PDE10A: variants seen among roughly 807,000 people sequenced by gnomAD.
PDE10A encodes the protein phosphodiesterase 10A.
A neutral mutation model predicts 97.7 loss-of-function variants in PDE10A; 39 were observed. That is an observed-to-expected ratio of 0.40 (90% CI 0.31 to 0.52). The LOEUF (loss-of-function observed/expected upper bound fraction) is 0.52. Ranked by LOEUF, PDE10A falls within the 20% of genes least tolerant of loss-of-function variation. The pLI is 0.56. For missense variants in PDE10A, 731 were observed against 1,047.8 expected, an observed-to-expected ratio of 0.70 and a Z score of 4.17; for synonymous variants, 371 against 376.8, an observed-to-expected ratio of 0.98 and a Z score of 0.18.
At chr6:165,710,427 T>C (rs1023729222) in intron 1 of PDE10A, among the ~76,000 whole-genome samples, 1 of 152,192 alleles carries the variant, frequency 6.6e-6, no homozygotes. Flanking sequence ...TTTGTGAATA[T>C]ATAAAAACAG....
intron 2 of PDE10A, among the ~76,000 whole-genome samples, chr6:165,490,786 G>A (rs547704167): frequency 5.8e-4 from 88 of 152,050 alleles, no homozygotes; most frequent in South Asian, 3.5e-3. Context: ...GAAACCCCAC[G>A]TCTACTAAAA....
At chr6:165,601,385 TAC>T (rs1786941491) in intron 1 of PDE10A, among the ~76,000 whole-genome samples, 2 of 152,364 alleles carry the variant, frequency 1.3e-5, no homozygotes, top group African/African-American at 2.4e-5. Context: ...TTACATTTTT[TAC>T]AGTTTTATAT....
At chr6:165,660,087 T>C (rs1790163359) in intron 1 of PDE10A, 1 of 152,410 alleles carries the variant, frequency 6.6e-6, no homozygotes, top group Admixed American at 6.5e-5. Context: ...CAGATGTTTA[T>C]TTTCTTAAGA....
At chr6:165,906,748 C>T (rs752367772) in intron 1 of PDE10A, among the ~76,000 whole-genome samples, 7 of 152,146 alleles carry the variant, frequency 4.6e-5, no homozygotes, top group African/African-American at 1.2e-4. Context: ...AACACTTAAA[C>T]GCTGCCCAAA....
At chr6:165,414,481 T>C (rs1449438610) in intron 12 of PDE10A, among the ~76,000 whole-genome samples, 1 of 152,226 alleles carries the variant, frequency 6.6e-6, no homozygotes, top group Non-Finnish European at 1.5e-5. Flanking sequence ...ATCCATGTTG[T>C]TGCATGTCTT....
At chr6:165,858,794 C>CG (rs916925820) in intron 1 of PDE10A, among the ~76,000 whole-genome samples, 1 of 152,122 alleles carries the variant, frequency 6.6e-6, no homozygotes, top group African/African-American at 2.4e-5. Flanking sequence ...CATGTTTCCC[C>CG]GGGGGTACTC....
chr6:165,507,516 C>T (rs1347599092), intron 2 of PDE10A, among the ~76,000 whole-genome samples: 1 of 152,086 alleles, frequency 6.6e-6, no homozygotes, highest in Non-Finnish European at 1.5e-5. Flanking sequence ...TCCAACTACA[C>T]CAAGCCCAAG....
At chr6:165,432,646 T>G (rs191667931) in intron 7 of PDE10A, among the ~76,000 whole-genome samples, 238 of 152,308 alleles carry the variant, frequency 1.6e-3, no homozygotes, top group African/African-American at 5.4e-3. Flanking sequence ...AAAAGACATT[T>G]TAAAGAAGAC....
intron 1 of PDE10A, among the ~76,000 whole-genome samples, chr6:165,777,702 TTAA>T (rs33914459): frequency 0.47 from 70,564 of 151,708 alleles, 17,609 homozygotes; most frequent in African/African-American, 0.65. Flanking sequence ...GTATTTACAT[TTAA>T]TTGTTAATTA....
intron 1 of PDE10A, among the ~76,000 whole-genome samples, chr6:165,567,520 T>A (rs1269669387): frequency 6.6e-6 from 1 of 152,202 alleles, no homozygotes; most frequent in Non-Finnish European, 1.5e-5. Context: ...CTGACTCCAC[T>A]GCTAATAGTG....
At chr6:165,930,193 G>A (rs1583299991) in intron 1 of PDE10A, among the ~76,000 whole-genome samples, 1 of 152,222 alleles carries the variant, frequency 6.6e-6, no homozygotes. Context: ...ACAGATCCCT[G>A]AGCCACTGAT....
intron 1 of PDE10A, among the ~76,000 whole-genome samples, chr6:165,698,129 C>T (rs906712935): frequency 2.6e-5 from 4 of 152,242 alleles, no homozygotes; most frequent in Non-Finnish European, 4.4e-5. Context: ...AGCCATGTTT[C>T]CTGAATTTTA....
intron 1 of PDE10A, among the ~76,000 whole-genome samples, chr6:165,706,847 A>T (rs563796006): frequency 1.2e-4 from 19 of 152,276 alleles, no homozygotes; most frequent in East Asian, 7.7e-4. Context: ...AAAAGATTTT[A>T]AAAAAAGGAA....
chr6:165,734,956 A>AGATAGATAGAT (rs1554313861), intron 1 of PDE10A, among the ~76,000 whole-genome samples: 2 of 107,134 alleles, frequency 1.9e-5, no homozygotes, highest in Non-Finnish European at 3.7e-5. Context: ...GAAAGTAGAT[A>AGATAGATAGAT]GATAGATAGA....
At chr6:165,879,045 C>A (rs995430170) in intron 1 of PDE10A, among the ~76,000 whole-genome samples, 4 of 152,194 alleles carry the variant, frequency 2.6e-5, no homozygotes, top group Non-Finnish European at 4.4e-5. Context: ...TTTGTTACAG[C>A]AGCAATAGAC....
chr6:165,765,836 G>T (rs879635744), intron 1 of PDE10A, among the ~76,000 whole-genome samples: 15 of 152,182 alleles, frequency 9.9e-5, no homozygotes, highest in African/African-American at 3.6e-4. Context: ...CTGCCAGCCC[G>T]CTGTCACCTC....
intron 1 of PDE10A, among the ~76,000 whole-genome samples, chr6:165,639,921 T>G (rs544847747): frequency 6.6e-6 from 1 of 151,944 alleles, no homozygotes; most frequent in Admixed American, 6.5e-5. Flanking sequence ...ATTTTAAAAA[T>G]GAGCCAGGTG....
At chr6:165,811,217 C>T (rs1038899864) in intron 1 of PDE10A, among the ~76,000 whole-genome samples, 14 of 152,078 alleles carry the variant, frequency 9.2e-5, no homozygotes, top group Admixed American at 2.0e-4. Context: ...AGCAAGACTC[C>T]GTCTCAAAAA....
At chr6:165,744,482 T>C (rs1792800042) in intron 1 of PDE10A, among the ~76,000 whole-genome samples, 1 of 152,202 alleles carries the variant, frequency 6.6e-6, no homozygotes, top group African/African-American at 2.4e-5. Flanking sequence ...AATACTGATA[T>C]TAATATCTCT....
Sources: gnomAD v4.1 joint callset for allele counts (sites outside exome capture counted in the v4.1 genomes callset) on GRCh38, gnomAD v4.1.1 for gene constraint, MANE v1.5 for transcripts, NCBI Gene and HGNC (gene_info 2026-07-23, HGNC 2026-07-21) for gene names.